The following CALB2 variants were observed in gnomAD, a reference collection of about 807,000 sequenced individuals.
The protein encoded by CALB2 is calretinin.
In CALB2, 34 loss-of-function variants were observed where a neutral mutation model predicts 45.9. The observed-to-expected ratio is 0.74, with a 90% CI of 0.56 to 0.99. The LOEUF (loss-of-function observed/expected upper bound fraction) is 0.99, where lower values mean the gene tolerates loss of function less well. Among genes scored for constraint, CALB2 ranks in the 50% least tolerant of loss-of-function variants. CALB2 has a pLI of 0.00. For synonymous variants in CALB2, 142 were observed against 129.6 expected (o/e 1.10, Z -0.65); for missense variants, 344 against 339.3 (o/e 1.01, Z -0.11).
At chr16:71,379,223 G>T (rs2042455155) in intron 4 of CALB2, among the ~76,000 whole-genome samples, 1 of 151,938 alleles carries the variant, frequency 6.6e-6, no homozygotes, top group Admixed American at 6.6e-5. Flanking sequence ...GTTGCAGTGA[G>T]CCAAGATCGT....
intron 1 of CALB2, among the ~76,000 whole-genome samples, chr16:71,359,522 C>T (rs2042216947): frequency 6.6e-6 from 1 of 152,150 alleles, no homozygotes; most frequent in African/African-American, 2.4e-5. Flanking sequence ...AGACCTGTTC[C>T]CTCATAGTGA....
Position 71,383,434 on chromosome 16 carries a change from C to A in CALB2, c.467C>A (p.Thr156Asn). Residue 156 changes from threonine to asparagine, a missense_variant, in exon 6 of 11, where the codon ACC becomes AAC. Physicochemically the swap from Thr to Asn is moderately conservative, Grantham distance 65 (BLOSUM62 0). Transcript: ENST00000302628. ...GATGAGCCCAAGCTCCAGGAATACACCCAAACCATAGTGAGTGAACAGAAG... is the reference window on the plus strand; with the variant it reads ...GATGAGCCCAAGCTCCAGGAATACAACCAAACCATAGTGAGTGAACAGAAG... ...PYDEPKLQEY[T>N]QTILRMFDLN... is the part of the protein sequence containing the mutation. 1.2e-6 allele frequency: 2 copies of A among 1,614,036 alleles called. No individual in the cohort carries two copies. The highest frequency in any genetic ancestry group is 1.7e-6 in the Non-Finnish European group (2 of 1,179,924).
intron 1 of CALB2, among the ~76,000 whole-genome samples, chr16:71,365,394 C>G (rs11643021): frequency 0.28 from 41,908 of 152,086 alleles, 6,017 homozygotes; most frequent in South Asian, 0.39. Context: ...TGAAGGGCTG[C>G]TTAGAACACA....
At chr16:71,369,610 C>A (rs1042653306) in intron 1 of CALB2, among the ~76,000 whole-genome samples, 10 of 152,142 alleles carry the variant, frequency 6.6e-5, no homozygotes, top group African/African-American at 1.4e-4. Flanking sequence ...CTCCTGTGTC[C>A]GCCCAGCCCT....
At chr16:71,366,022 C>CATTTTTTTT (rs2042282243) in intron 1 of CALB2, among the ~76,000 whole-genome samples, 1 of 50,552 alleles carries the variant, frequency 2.0e-5, no homozygotes, top group African/African-American at 1.0e-4. Flanking sequence ...CCCTCTCTCT[C>CATTTTTTTT]TCTTTTTTTT....
intron 1 of CALB2, among the ~76,000 whole-genome samples, chr16:71,370,647 G>T (rs1011293525): frequency 6.6e-6 from 1 of 152,128 alleles, no homozygotes; most frequent in Non-Finnish European, 1.5e-5. Flanking sequence ...CTTGAGCCCA[G>T]GATTTTGGGG....
chr16:71,380,184 A>C (rs1305922500), intron 4 of CALB2, among the ~76,000 whole-genome samples: 2 of 151,820 alleles, frequency 1.3e-5, no homozygotes, highest in Non-Finnish European at 2.9e-5. Context: ...CAGAGGAGCT[A>C]AAAGCATCTC....
chr16:71,367,165 G>A lies in CALB2; in HGVS notation c.95-4988G>A, dbSNP rs143035249. 2.0e-3 allele frequency among the ~76,000 whole-genome samples: 302 copies of A among 152,252 alleles called. 1 individual carries two copies. Among genetic ancestry groups the A allele is most frequent in the African/African-American group, 3.6e-3 (150 of 41,538 alleles). On this transcript the variant is annotated intron_variant, in intron 1 of 10. Coordinates refer to ENST00000302628, the MANE Select transcript of CALB2 (RefSeq NM_001740.5). The stretch of plus-strand genomic sequence containing the variant: ...GGAAACTGAGGCACGGTAGTGGTGC[G>A]GAATGGTAGCAAGAGTAGAATAAGG...
intron 10 of CALB2, 194 bp from the exon 11 acceptor site, chr16:71,389,555 C>T (rs77603570): frequency 1.4e-6 from 1 of 735,074 alleles, no homozygotes; most frequent in Non-Finnish European, 2.5e-6. Flanking sequence ...AGCAATGCAG[C>T]CAGTAAGTGA....
chr16:71,383,188 A>G (rs553299874), intron 5 of CALB2, among the ~76,000 whole-genome samples, 179 bp from the exon 6 acceptor site: 26 of 152,324 alleles, frequency 1.7e-4, no homozygotes, highest in Admixed American at 9.8e-4. Flanking sequence ...ACCAGCTAGT[A>G]CAGCCTTAAA....
intron 6 of CALB2, among the ~76,000 whole-genome samples, 191 bp downstream of exon 6, chr16:71,383,635 A>G (rs961414215): frequency 6.6e-6 from 1 of 152,004 alleles, no homozygotes; most frequent in South Asian, 2.1e-4. Flanking sequence ...GTGTGAGCTG[A>G]CTCGTGGGCC....
chr16:71,358,804 G>A lies in CALB2; in HGVS notation c.12G>A (p.Pro4=), dbSNP rs1391974380. Residue 4 remains proline (P), a synonymous_variant, in exon 1 of 11, where the codon CCG becomes CCA. Transcript: ENST00000302628. MAG[P]QQQPPYLHLA... is the part of the protein sequence containing the mutation. ...CCGAGCGGCTCGCCATGGCTGGCCC[G>A]CAGCAGCAGCCCCCTTACCTGCACC... 2 of 1,606,538 alleles carry A rather than the reference G, an allele frequency of 1.2e-6. No individual in the cohort carries two copies. The highest frequency in any genetic ancestry group is 2.2e-5 in the South Asian group (2 of 89,614).
At position 71,372,135 on chromosome 16, in the gene CALB2, T is replaced by C; in HGVS notation, c.95-18T>C. On this transcript the variant is annotated intron_variant, in intron 1 of 10. Transcript: ENST00000302628. ...ACTATTTAGTGCTGAGATTGATTTT[T>C]TCTCTCTCTTTTTACAGGAAATGGG... 6.3e-7 allele frequency: 1 copy of C among 1,577,136 alleles called. No homozygotes were observed. Among genetic ancestry groups the C allele is most frequent in the Non-Finnish European group, 8.7e-7 (1 of 1,147,450 alleles).
chr16:71,361,941 C>T (rs2042241181), intron 1 of CALB2, among the ~76,000 whole-genome samples: 1 of 152,192 alleles, frequency 6.6e-6, no homozygotes, highest in South Asian at 2.1e-4. Context: ...TACCACTCCA[C>T]CAACTCTGCC....
chr16:71,378,734 C>T lies in CALB2; in HGVS notation c.342+987C>T, dbSNP rs542294829. ...CTCTCATGTGGGGATTTGTTGTGGT[C>T]ATTTGCATATCACAGGCTCTGAGAA... On this transcript the variant is annotated intron_variant, in intron 4 of 10. Transcript: ENST00000302628. Among the ~76,000 whole-genome samples the T allele has an allele frequency of 3.3e-5, 5 of 152,128 alleles. No homozygotes were observed. The South Asian group carries it at 1.0e-3, about 32-fold the overall frequency.
Position 71,372,202 on chromosome 16 carries a change from G to A in CALB2, c.144G>A (p.Leu48=). 1 of 1,613,112 alleles carries A rather than the reference G, an allele frequency of 6.2e-7. No homozygotes were observed. Residue 48 remains leucine (L), a synonymous_variant, in exon 2 of 11, where the codon CTG becomes CTA. Transcript: ENST00000302628. ...AGCTAGAAAACTTTTTCCAAGAGCT[G>A]GAGAAGGCAAGGAAAGGCTCTGGCA... ...GKELENFFQE[L]EKARKGSGMM... is the part of the protein sequence containing the mutation.
chr16:71,374,968 G>C (rs2042394068), intron 3 of CALB2, 134 bp downstream of exon 3: 2 of 601,574 alleles, frequency 3.3e-6, no homozygotes, highest in Non-Finnish European at 6.1e-6. Flanking sequence ...CAGCACTTGG[G>C]CTGACCAAAG....
rs1156607535 is a variant in CALB2 at position 71,368,377 on chromosome 16, C to T, written c.95-3776C>T. Among the ~76,000 whole-genome samples the T allele has an allele frequency of 2.0e-5, 3 of 152,150 alleles. No individual in the cohort carries two copies. In the East Asian group the frequency reaches 5.8e-4, roughly 29 times the overall value. ...ACAAACAAACAAAAAATTATTCAGG[C>T]ATGTGCCCGTCGTCCAAGCTACTTG... On this transcript the variant is annotated intron_variant, in intron 1 of 10. Transcript: ENST00000302628.
chr16:71,389,558 G>A lies in CALB2; in HGVS notation c.700-191G>A, dbSNP rs76630307. 1,148 of 738,122 alleles carry A rather than the reference G, an allele frequency of 1.6e-3. 1 individual carries two copies. Among genetic ancestry groups the A allele is most frequent in the South Asian group, 3.2e-3 (232 of 73,504 alleles). The allele number at this position is 738,122 out of a possible 1,614,324, so 45.7% of individuals were successfully genotyped here. On this transcript the variant is annotated intron_variant, in intron 10 of 10. Transcript: ENST00000302628. ...TACCTTCCCCAAAGCAATGCAGCCA[G>A]TAAGTGAAAGAGAGGCTTTAACCTC... is the stretch of plus-strand genomic sequence containing the variant.
Sources: allele counts gnomAD v4.1 joint callset (sites outside exome capture counted in the v4.1 genomes callset), GRCh38; gene constraint gnomAD v4.1.1; transcripts MANE v1.5; gene names NCBI Gene and HGNC (gene_info 2026-07-23, HGNC 2026-07-21).